Variants in DRC3 observed in about 807,000 individuals in gnomAD.
The protein encoded by DRC3 is leucine rich repeat containing 48.
A neutral mutation model predicts 57.6 loss-of-function variants in DRC3; 45 were observed. The observed-to-expected ratio is 0.78, with a 90% confidence interval of 0.62 to 1.00. The LOEUF (loss-of-function observed/expected upper bound fraction) is 1.00, where lower values mean the gene tolerates loss of function less well. Ranked by LOEUF, DRC3 falls within the 50% of genes least tolerant of loss-of-function variation. The pLI is 0.00. For synonymous variants in DRC3, 257 were observed against 272.3 expected (o/e 0.94, Z 0.55); for missense variants, 655 against 675.2 (o/e 0.97, Z 0.33).
chr17:17,980,279 G>GT (rs2042601099), intron 3 of DRC3, among the ~76,000 whole-genome samples: 2 of 145,522 alleles, frequency 1.4e-5, no homozygotes, highest in Non-Finnish European at 3.0e-5. Context: ...TTGTTTTATT[G>GT]TTGTTGTTTT....
intron 5 of DRC3, among the ~76,000 whole-genome samples, chr17:17,990,130 CTCCT>C (rs2043159894): frequency 6.6e-6 from 1 of 152,218 alleles, no homozygotes; most frequent in Non-Finnish European, 1.5e-5. Context: ...AGCAAGAACT[CTCCT>C]TCCGACAGTG....
Position 18,008,061 on chromosome 17 carries a change from G to A in DRC3, c.1326+914G>A, listed in dbSNP as rs1260416080. ...CCTCCCCATAGTCCCCCAGACCCTC[G>A]GGCTGACCCTGCCCATCTGGGCGAT... On this transcript the variant is annotated intron_variant, in intron 12 of 13. Transcript: ENST00000399187. This position sits in a 1 kb window ranked among gnomAD's most constrained non-coding sequence, Gnocchi z 4.3. 4 of 161,906 alleles carry A rather than the reference G, an allele frequency of 2.5e-5. No individual in the cohort carries two copies. The highest frequency in any genetic ancestry group is 4.8e-5 in the African/African-American group (2 of 41,560). 10.0% of individuals were successfully genotyped at this position (161,906 alleles called of 1,614,324 possible).
intron 12 of DRC3, among the ~76,000 whole-genome samples, chr17:18,013,575 C>T (rs1385749143): frequency 1.3e-5 from 2 of 152,048 alleles, no homozygotes; most frequent in East Asian, 3.9e-4. Context: ...ACTCATATGC[C>T]GAAGCTAAAA....
intron 7 of DRC3, 71 bp downstream of exon 7, chr17:17,994,489 C>T (rs1034152216): frequency 1.1e-5 from 17 of 1,523,916 alleles, no homozygotes; most frequent in Middle Eastern, 1.8e-4. Context: ...TCAAGTAAAA[C>T]GGTCCTCAGG....
At chr17:17,989,751 C>T (rs986648442) in intron 5 of DRC3, among the ~76,000 whole-genome samples, 4 of 152,220 alleles carry the variant, frequency 2.6e-5, no homozygotes, top group African/African-American at 9.6e-5. Flanking sequence ...ATTCCCGCAA[C>T]AGCTGAGGGA....
chr17:17,993,999 C>T (rs1393555059), intron 6 of DRC3: 3 of 342,078 alleles, frequency 8.8e-6, no homozygotes, highest in Non-Finnish European at 1.7e-5. Flanking sequence ...GCGAGGGGAG[C>T]GCTCCATTGC....
In DRC3 at chr17:18,016,692, C is replaced by T. The variant is rs775906418; in HGVS notation, c.*21C>T. The T allele has an allele frequency of 2.0e-6, 3 of 1,528,412 alleles. No individual in the cohort carries two copies. Among genetic ancestry groups the T allele is most frequent in the Non-Finnish European group, 2.7e-6 (3 of 1,103,534 alleles). 94.7% of individuals were successfully genotyped at this position (1,528,412 alleles called of 1,614,324 possible). ...ACTAGATGAATGTCAGCCACAGGAGCTTCTTCAAAACATAGCACCAGCCCC... is the reference window on the plus strand; with the variant it reads ...ACTAGATGAATGTCAGCCACAGGAGTTTCTTCAAAACATAGCACCAGCCCC... On this transcript the variant is annotated 3_prime_UTR_variant, in exon 14 of 14. Coordinates refer to ENST00000399187, the MANE Select transcript of DRC3 (RefSeq NM_031294.4).
intron 5 of DRC3, chr17:17,989,570 G>C (rs2043132287): frequency 6.6e-6 from 1 of 152,462 alleles, no homozygotes. Flanking sequence ...CAGGTGGCTG[G>C]TTTGAGAGGT....
chr17:17,975,203 A>G (rs1238120130), intron 2 of DRC3, among the ~76,000 whole-genome samples: 2 of 143,606 alleles, frequency 1.4e-5, no homozygotes, highest in African/African-American at 5.2e-5. Flanking sequence ...TTCCCAAAGT[A>G]TAGCACCTTT....
At chr17:17,977,803 C>A in intron 3 of DRC3, 45 bp downstream of exon 3, 1 of 1,517,164 alleles carries the variant, frequency 6.6e-7, no homozygotes, top group Non-Finnish European at 8.8e-7. Context: ...TGGGCCCTCC[C>A]TGGCTTTCTC....
intron 9 of DRC3, among the ~76,000 whole-genome samples, chr17:18,000,299 CGT>C (rs34508417): frequency 0.41 from 48,646 of 118,776 alleles, 10,322 homozygotes; most frequent in East Asian, 0.86. Context: ...ACTTTGCTTT[CGT>C]GTGTGTGTGT....
intron 5 of DRC3, among the ~76,000 whole-genome samples, chr17:17,990,541 T>A (rs531938918): frequency 2.0e-5 from 3 of 152,216 alleles, no homozygotes; most frequent in Non-Finnish European, 4.4e-5. Flanking sequence ...TCTGCTCTTC[T>A]GCGGCTGGCT....
intron 12 of DRC3, chr17:18,007,417 A>G (rs765869627): frequency 1.9e-6 from 3 of 1,551,572 alleles, no homozygotes; most frequent in African/African-American, 1.4e-5. Flanking sequence ...CAAAAGTTCA[A>G]TTATGTGGAG....
chr17:17,997,661 C>T (rs888286483), intron 9 of DRC3, 27 bp downstream of exon 9: 2 of 1,559,410 alleles, frequency 1.3e-6, no homozygotes, highest in Non-Finnish European at 8.7e-7. Flanking sequence ...CTGAGGCCCT[C>T]CCTGTCTCCT....
At chr17:17,979,642 A>G (rs1164570831) in intron 3 of DRC3, among the ~76,000 whole-genome samples, 2 of 152,164 alleles carry the variant, frequency 1.3e-5, no homozygotes, top group African/African-American at 4.8e-5. Flanking sequence ...ACACCTGGGA[A>G]AAAGCCGGCA....
At chr17:17,984,201 T>G (rs1226247979) in intron 4 of DRC3, among the ~76,000 whole-genome samples, 1 of 152,132 alleles carries the variant, frequency 6.6e-6, no homozygotes, top group East Asian at 1.9e-4. Flanking sequence ...CTGCCCAAAC[T>G]TTCAGTCTGG....
Position 18,004,363 on chromosome 17 carries a change from A to C in DRC3, c.1000A>C (p.Ser334Arg). Residue 334 changes from serine to arginine, a missense_variant and splice_region_variant, in exon 10 of 14, where the codon AGT becomes CGT. By Grantham distance (110) the Ser-to-Arg change is moderately radical (BLOSUM62 -1). Coordinates refer to ENST00000399187, the MANE Select transcript of DRC3 (RefSeq NM_031294.4). Reference sequence around the variant, plus strand: ...CTAAAGTGCAGTCTATTGTTTCTAGAGTTTAAGTGCCATTCGAGAGGAGTT... The same window carrying C: ...CTAAAGTGCAGTCTATTGTTTCTAGCGTTTAAGTGCCATTCGAGAGGAGTT... Reference protein sequence around the residue: ...IAKFEEKHLSSLSAIREELEL... With the variant: ...IAKFEEKHLSRLSAIREELEL... The C allele has an allele frequency of 6.2e-7, 1 of 1,600,430 alleles. No individual in the cohort carries two copies. The highest frequency in any genetic ancestry group is 8.5e-7 in the Non-Finnish European group (1 of 1,172,788).
chr17:18,004,638 A>G, intron 10 of DRC3, 144 bp downstream of exon 10: 1 of 807,346 alleles, frequency 1.2e-6, no homozygotes. Flanking sequence ...CTTGCTCATC[A>G]GTCCTGTTTG....
chr17:17,979,572 C>T (rs1275575010), intron 3 of DRC3, among the ~76,000 whole-genome samples: 2 of 151,838 alleles, frequency 1.3e-5, no homozygotes, highest in Non-Finnish European at 2.9e-5. Context: ...TCATTTAGAG[C>T]TAACTGCCAA....
Sources: gnomAD v4.1 joint callset for allele counts (sites outside exome capture counted in the v4.1 genomes callset) on GRCh38, gnomAD v4.1.1 for gene constraint, Gnocchi (gnomAD v3.1) non-coding constraint, MANE v1.5 for transcripts, NCBI Gene and HGNC (gene_info 2026-07-23, HGNC 2026-07-21) for gene names.